Variants in DYNC1I1 observed in about 807,000 individuals in gnomAD.
The protein encoded by DYNC1I1 is cytoplasmic dynein 1 intermediate chain 1.
Under a neutral mutation model 86.6 loss-of-function variants are expected in DYNC1I1, and 43 were observed. The observed-to-expected ratio is 0.50, with a 90% CI of 0.39 to 0.64. DYNC1I1 has a LOEUF of 0.64. Among genes scored for constraint, DYNC1I1 ranks in the 30% least tolerant of loss-of-function variants. DYNC1I1 has a pLI of 0.00. For missense variants in DYNC1I1, 604 were observed against 788.8 expected, an observed-to-expected ratio of 0.77 and a Z score of 2.81; for synonymous variants, 262 against 283.7, an observed-to-expected ratio of 0.92 and a Z score of 0.77.
At chr7:95,962,217 C>T (rs890753676) in intron 6 of DYNC1I1, among the ~76,000 whole-genome samples, 5 of 152,188 alleles carry the variant, frequency 3.3e-5, no homozygotes, top group Non-Finnish European at 5.9e-5. Flanking sequence ...CTCATGCTTG[C>T]AGCAAGCCCA....
chr7:95,923,448 G>A (rs1399152366), intron 6 of DYNC1I1, among the ~76,000 whole-genome samples: 1 of 152,076 alleles, frequency 6.6e-6, no homozygotes, highest in African/African-American at 2.4e-5. Context: ...GAAAGCCAGT[G>A]ACAAAGAACT....
chr7:96,103,629 TTGA>T (rs1343139954), intron 16 of DYNC1I1, among the ~76,000 whole-genome samples: 1 of 152,086 alleles, frequency 6.6e-6, no homozygotes, highest in Non-Finnish European at 1.5e-5. Context: ...TTTTTTTTTT[TTGA>T]GACGGAGTCT....
chr7:96,076,037 A>G lies in DYNC1I1; in HGVS notation c.1510-20A>G. 6.2e-7 allele frequency: 1 copy of G among 1,609,918 alleles called. No individual in the cohort carries two copies. The highest frequency in any genetic ancestry group is 8.5e-7 in the Non-Finnish European group (1 of 1,176,942). On this transcript the variant is annotated intron_variant, in intron 14 of 16. Coordinates refer to ENST00000447467, the MANE Select transcript of DYNC1I1 (RefSeq NM_001135556.2). ...GCAGCAGCAGCGCCACAAAGTCTTC[A>G]CGGTCTCTCTGCTTTACAGCACAAC...
At chr7:96,093,546 A>G (rs42060) in intron 16 of DYNC1I1, among the ~76,000 whole-genome samples, 133,879 of 152,214 alleles carry the variant, frequency 0.88, 59,057 homozygotes, top group East Asian at 0.98. Flanking sequence ...AGCCTCAAGT[A>G]CTTTTGGCAT....
chr7:95,907,332 C>T (rs1016180833), intron 6 of DYNC1I1, among the ~76,000 whole-genome samples: 1 of 152,138 alleles, frequency 6.6e-6, no homozygotes, highest in African/African-American at 2.4e-5. Context: ...TTTCATAAGC[C>T]ACCATATAAT....
rs1792783472 is a variant in DYNC1I1 at position 95,958,665 on chromosome 7, C to T, written c.491-18847C>T. ...ACACTCAGTTGAGTTCTAAACAAAT[C>T]AATCAAAAATTGTATCTCTAAACAT... On this transcript the variant is annotated intron_variant, in intron 6 of 16. Coordinates refer to ENST00000447467, the MANE Select transcript of DYNC1I1 (RefSeq NM_001135556.2). Among the ~76,000 whole-genome samples, 4 of 152,304 alleles carry T rather than the reference C, an allele frequency of 2.6e-5. No individual in the cohort carries two copies. The South Asian group carries it at 8.3e-4, about 32-fold the overall frequency.
chr7:96,033,567 A>G (rs752193117), intron 12 of DYNC1I1, among the ~76,000 whole-genome samples: 49 of 152,214 alleles, frequency 3.2e-4, no homozygotes, highest in Admixed American at 5.9e-4. Context: ...ATTGTTATAG[A>G]CTTTGACAAA....
intron 1 of DYNC1I1, among the ~76,000 whole-genome samples, chr7:95,801,027 C>T (rs893550853): frequency 2.6e-5 from 4 of 152,208 alleles, no homozygotes; most frequent in South Asian, 2.1e-4. Context: ...TGTAAAGTCT[C>T]GTTCATTCAC....
intron 5 of DYNC1I1, among the ~76,000 whole-genome samples, chr7:95,839,571 T>G (rs1789220549): frequency 6.6e-6 from 1 of 152,216 alleles, no homozygotes; most frequent in Non-Finnish European, 1.5e-5. Flanking sequence ...GTCTTTTTAC[T>G]TTTATATTTG....
intron 5 of DYNC1I1, among the ~76,000 whole-genome samples, chr7:95,848,576 G>A (rs1177629067): frequency 6.6e-6 from 1 of 151,900 alleles, no homozygotes; most frequent in Non-Finnish European, 1.5e-5. Context: ...TCTTTATTAT[G>A]GCTGAATAGT....
intron 10 of DYNC1I1, among the ~76,000 whole-genome samples, chr7:96,007,079 C>A (rs1794159686): frequency 6.6e-6 from 1 of 152,068 alleles, no homozygotes; most frequent in African/African-American, 2.4e-5. Flanking sequence ...TTTATTTTTT[C>A]ACATTATTCT....
At chr7:95,983,425 T>C (rs1488519) in intron 7 of DYNC1I1, among the ~76,000 whole-genome samples, 12,261 of 152,168 alleles carry the variant, frequency 0.081, 600 homozygotes, top group Admixed American at 0.11. Context: ...TCTTAAGGTG[T>C]GAACCAACTA....
At chr7:95,774,946 C>A (rs1239611128) in intron 1 of DYNC1I1, among the ~76,000 whole-genome samples, 21 of 152,208 alleles carry the variant, frequency 1.4e-4, no homozygotes, top group Non-Finnish European at 2.9e-5. Context: ...GTTTCAAAAT[C>A]TGTTTCAAAC....
At chr7:95,937,101 C>T (rs1792065703) in intron 6 of DYNC1I1, among the ~76,000 whole-genome samples, 1 of 151,930 alleles carries the variant, frequency 6.6e-6, no homozygotes, top group South Asian at 2.1e-4. Context: ...CCTTATCTCA[C>T]TTATATGTGG....
intron 6 of DYNC1I1, among the ~76,000 whole-genome samples, chr7:95,952,719 T>C (rs115787742): frequency 1.3e-5 from 2 of 152,170 alleles, no homozygotes; most frequent in African/African-American, 4.8e-5. Context: ...ATAAAATTTG[T>C]AGGTGCTACA....
intron 10 of DYNC1I1, among the ~76,000 whole-genome samples, chr7:95,999,472 A>G (rs1241207132): frequency 6.6e-6 from 1 of 152,170 alleles, no homozygotes; most frequent in African/African-American, 2.4e-5. Context: ...GAAGTGGGGT[A>G]ATATCAGCTA....
chr7:95,839,840 T>C (rs1799036), intron 5 of DYNC1I1, among the ~76,000 whole-genome samples: 63,098 of 151,856 alleles, frequency 0.42, 13,568 homozygotes, highest in East Asian at 0.58. Context: ...TGCCTGGTAT[T>C]GTATTCTTGA....
At chr7:95,923,142 G>A (rs545138812) in intron 6 of DYNC1I1, among the ~76,000 whole-genome samples, 16 of 152,154 alleles carry the variant, frequency 1.1e-4, no homozygotes, top group Middle Eastern at 3.4e-3. Context: ...AGGACTACAC[G>A]TACAGTGACT....
rs1470799926 is a variant in DYNC1I1, at chr7:95,810,402, A to G, written c.119A>G (p.Gln40Arg). ...EERKKKEADM[Q>R]QKKEPVQDDS... ...GACGTCTACTTCTAGGCTGATATGC[A>G]GCAGAAGAAAGAACCCGTTCAGGAC... Residue 40 changes from glutamine (Q) to arginine (R), a missense_variant, in exon 3 of 17, where the codon CAG becomes CGG. Gln to Arg is a conservative substitution (Grantham distance 43, BLOSUM62 1). Coordinates refer to ENST00000447467, the MANE Select transcript of DYNC1I1 (RefSeq NM_001135556.2). The G allele has an allele frequency of 6.2e-7, 1 of 1,609,136 alleles. No homozygotes were observed. Among genetic ancestry groups the G allele is most frequent in the African/African-American group, 1.3e-5 (1 of 74,598 alleles).
Sources: allele counts gnomAD v4.1 joint callset (sites outside exome capture counted in the v4.1 genomes callset), GRCh38; gene constraint gnomAD v4.1.1; transcripts MANE v1.5; gene names NCBI Gene and HGNC (gene_info 2026-07-23, HGNC 2026-07-21).